Variants in CCDC38 observed in about 807,000 individuals in gnomAD.
CCDC38 encodes the protein coiled-coil domain-containing protein 38.
CCDC38 carries 69 observed loss-of-function variants against 72.8 expected under a neutral mutation model. That is an observed-to-expected ratio of 0.95 (90% CI 0.78 to 1.16). The LOEUF is 1.16. CCDC38 is among the 50% of genes most tolerant of loss of function. The probability of loss-of-function intolerance (pLI) is 0.00; values close to 1 mark genes in which losing one functional copy is unlikely to be tolerated. For synonymous variants in CCDC38, 201 were observed against 213.2 expected, an observed-to-expected ratio of 0.94 and a Z score of 0.50; for missense variants, 626 against 638.9, an observed-to-expected ratio of 0.98 and a Z score of 0.22.
chr12:95,868,083 G>T (rs1400187765), intron 15 of CCDC38, among the ~76,000 whole-genome samples: 1 of 152,124 alleles, frequency 6.6e-6, no homozygotes, highest in African/African-American at 2.4e-5. Flanking sequence ...AAGATCTTTG[G>T]TAACATTTGT....
At chr12:95,927,982 C>G (rs1452672161) in intron 2 of CCDC38, among the ~76,000 whole-genome samples, 2 of 147,994 alleles carry the variant, frequency 1.4e-5, no homozygotes, top group Non-Finnish European at 3.0e-5. Flanking sequence ...TTTTTTCCTT[C>G]ATTTCAACTT....
At chr12:95,929,853 C>G (rs1333229621) in intron 2 of CCDC38, among the ~76,000 whole-genome samples, 1 of 152,156 alleles carries the variant, frequency 6.6e-6, no homozygotes, top group Non-Finnish European at 1.5e-5. Context: ...GAGCCATGCT[C>G]TCTTGGTGAA....
In CCDC38 at chr12:95,879,935, A is replaced by G; in HGVS notation, c.991-140T>C. On this transcript the variant is annotated intron_variant, in intron 11 of 15. Coordinates refer to ENST00000344280, the MANE Select transcript of CCDC38 (RefSeq NM_182496.3). The surrounding 1 kb of genome is among the most constrained non-coding windows in gnomAD (Gnocchi z 5.5). ...ACACAGGTAGGAACTTGTATGGGAA[A>G]CTCGCCTATTTCCAAGTGAGAGCTG... 1.8e-6 allele frequency: 1 copy of G among 549,474 alleles called. No homozygotes were observed. The highest frequency in any genetic ancestry group is 3.1e-6 in the Non-Finnish European group (1 of 323,070). 34.0% of individuals were successfully genotyped at this position (549,474 alleles called of 1,614,324 possible). A position where few individuals can be genotyped will look rare whatever the true frequency, so the allele number is the denominator to read the frequency against.
intron 4 of CCDC38, among the ~76,000 whole-genome samples, chr12:95,912,308 C>T (rs2080102499): frequency 6.6e-6 from 1 of 152,180 alleles, no homozygotes. Context: ...AAGCCCAAAG[C>T]TCAGCATCAT....
chr12:95,930,440 A>T (rs1409539984), intron 2 of CCDC38, among the ~76,000 whole-genome samples: 1 of 152,072 alleles, frequency 6.6e-6, no homozygotes, highest in African/African-American at 2.4e-5. Context: ...GATTCCTTGG[A>T]TTGTAGATCC....
intron 2 of CCDC38, chr12:95,919,321 A>T: frequency 2.8e-6 from 1 of 359,312 alleles, no homozygotes; most frequent in South Asian, 2.2e-5. Context: ...GCCTTATTTG[A>T]ACACAGTTTG....
At chr12:95,937,660 C>T (rs1002919639) in intron 1 of CCDC38, among the ~76,000 whole-genome samples, 4 of 152,080 alleles carry the variant, frequency 2.6e-5, no homozygotes, top group African/African-American at 9.7e-5. Context: ...TCTCAAAGAG[C>T]CATATATAAG....
At chr12:95,872,733 C>T (rs1316212590) in intron 13 of CCDC38, among the ~76,000 whole-genome samples, 6 of 152,214 alleles carry the variant, frequency 3.9e-5, no homozygotes, top group Non-Finnish European at 2.9e-5. Context: ...CGCCACCACG[C>T]GCAGCTAATT....
intron 13 of CCDC38, among the ~76,000 whole-genome samples, chr12:95,874,948 C>T (rs36120312): frequency 0.18 from 26,685 of 152,134 alleles, 3,058 homozygotes; most frequent in Non-Finnish European, 0.26. Flanking sequence ...CTCTCAATTG[C>T]AGCTGATCTT....
chr12:95,900,016 A>G (rs1274189680), intron 5 of CCDC38, among the ~76,000 whole-genome samples: 1 of 152,208 alleles, frequency 6.6e-6, no homozygotes, highest in African/African-American at 2.4e-5. Flanking sequence ...GAAACCAATC[A>G]TGAGGATTTC....
At chr12:95,886,697 AG>A (rs2079763385) in intron 10 of CCDC38, among the ~76,000 whole-genome samples, 1 of 152,250 alleles carries the variant, frequency 6.6e-6, no homozygotes, top group Admixed American at 6.5e-5. Context: ...GATGCAAACA[AG>A]CACACGACAA....
chr12:95,898,727 G>A lies in CCDC38; in HGVS notation c.374C>T (p.Ala125Val), dbSNP rs2079919976. The A allele has an allele frequency of 1.2e-6, 2 of 1,613,116 alleles. No individual in the cohort carries two copies. Among genetic ancestry groups the A allele is most frequent in the Non-Finnish European group, 8.5e-7 (1 of 1,179,846 alleles). ...GATTGTGTTTCTTTTGGTTGACAAA[G>A]CATACTAGGGGCATTGAAGACAGAG... is the stretch of plus-strand genomic sequence containing the variant. ...DQRDRFLLEY[A>V]LSTKRNTIKK... Residue 125 changes from alanine (A) to valine (V), a missense_variant, in exon 6 of 16, where the codon GCT (alanine) becomes GTT (valine). Coordinates refer to ENST00000344280, the MANE Select transcript of CCDC38 (RefSeq NM_182496.3).
chr12:95,903,498 A>G lies in CCDC38; in HGVS notation c.369+2889T>C, dbSNP rs12311235. 224 of 698,958 alleles carry G rather than the reference A, an allele frequency of 3.2e-4. 1 individual carries two copies. The African/African-American group carries it at 3.6e-3, about 11-fold the overall frequency. The allele number at this position is 698,958 out of a possible 1,614,324, so 43.3% of individuals were successfully genotyped here. ...GGGGGAAAGCATTCAGTCTTTTACC[A>G]TTAGATATGTAATGTTAGTGATAAG... On this transcript the variant is annotated intron_variant, in intron 5 of 15. Coordinates refer to ENST00000344280, the MANE Select transcript of CCDC38 (RefSeq NM_182496.3).
At chr12:95,928,265 C>T (rs1592804464) in intron 2 of CCDC38, among the ~76,000 whole-genome samples, 1 of 152,118 alleles carries the variant, frequency 6.6e-6, no homozygotes, top group Non-Finnish European at 1.5e-5. Flanking sequence ...TCTAAACCTC[C>T]CTTCTCGCTT....
intron 10 of CCDC38, among the ~76,000 whole-genome samples, chr12:95,882,054 G>T (rs2079706430): frequency 6.6e-6 from 1 of 152,218 alleles, no homozygotes; most frequent in Non-Finnish European, 1.5e-5. Flanking sequence ...CTGACAAAAT[G>T]TTGGTTGGGG....
intron 3 of CCDC38, 64 bp downstream of exon 3, chr12:95,918,812 G>C: frequency 1.8e-6 from 2 of 1,119,900 alleles, no homozygotes; most frequent in African/African-American, 1.5e-5. Context: ...AAGTTCATAA[G>C]AGCAATAGGT....
At chr12:95,913,532 C>A (rs1232216289) in intron 4 of CCDC38, among the ~76,000 whole-genome samples, 1 of 152,106 alleles carries the variant, frequency 6.6e-6, no homozygotes, top group East Asian at 1.9e-4. Context: ...GAGAAAAGCA[C>A]CCACATTGGA....
chr12:95,876,533 T>C (rs527855697), intron 13 of CCDC38, among the ~76,000 whole-genome samples: 1 of 152,296 alleles, frequency 6.6e-6, no homozygotes, highest in South Asian at 2.1e-4. Flanking sequence ...TTAAAATAGC[T>C]AACAGGTAAA....
chr12:95,870,442 C>A (rs2079569179), intron 14 of CCDC38, among the ~76,000 whole-genome samples: 1 of 152,082 alleles, frequency 6.6e-6, no homozygotes, highest in Non-Finnish European at 1.5e-5. Context: ...AGGTTATATA[C>A]TAGGGAATGG....
Sources: allele counts gnomAD v4.1 joint callset (sites outside exome capture counted in the v4.1 genomes callset), GRCh38; gene constraint gnomAD v4.1.1; non-coding constraint Gnocchi (gnomAD v3.1); transcripts MANE v1.5; gene names NCBI Gene and HGNC (gene_info 2026-07-23, HGNC 2026-07-21).